Variants in RORA observed in about 807,000 individuals in gnomAD.
RORA encodes RAR related orphan receptor A.
In RORA, 7 loss-of-function variants were observed where a neutral mutation model predicts 69.5. That is an observed-to-expected ratio of 0.10 (90% confidence interval 0.06 to 0.19). RORA has a LOEUF of 0.19. Among genes scored for constraint, RORA ranks in the 10% least tolerant of loss-of-function variants. The probability of loss-of-function intolerance (pLI) is 1.00; values close to 1 mark genes in which losing one functional copy is unlikely to be tolerated. For synonymous variants in RORA, 261 were observed against 240.8 expected (o/e 1.08, Z -0.78); for missense variants, 457 against 663.0 (o/e 0.69, Z 3.41).
intron 1 of RORA, among the ~76,000 whole-genome samples, chr15:60,786,575 G>A (rs2072337093): frequency 6.6e-6 from 1 of 152,216 alleles, no homozygotes; most frequent in South Asian, 2.1e-4. Context: ...TCTGCCACCA[G>A]GGCCAGCCAG....
intron 1 of RORA, among the ~76,000 whole-genome samples, chr15:60,908,501 G>C (rs1284609341): frequency 2.6e-5 from 4 of 152,152 alleles, no homozygotes; most frequent in African/African-American, 9.7e-5. Context: ...ATGAGTACAG[G>C]GGTAGGCGGC....
chr15:60,974,808 A>C (rs12911933), intron 1 of RORA, among the ~76,000 whole-genome samples: 147,867 of 152,292 alleles, frequency 0.97, 71,946 homozygotes, highest in East Asian at 1. Context: ...GTATCAGGTA[A>C]CTTTTCCTGA....
Position 60,531,674 on chromosome 15 carries a change from G to T in RORA, c.282+92C>A. 1 of 684,336 alleles carries T rather than the reference G, an allele frequency of 1.5e-6. No individual in the cohort carries two copies. The highest frequency in any genetic ancestry group is 2.5e-6 in the Non-Finnish European group (1 of 405,880). The allele number at this position is 684,336 out of a possible 1,614,324, so 42.4% of individuals were successfully genotyped here. On this transcript the variant is annotated intron_variant, in intron 3 of 10. Transcript: ENST00000335670. The surrounding 1 kb of genome is among the most constrained non-coding windows in gnomAD (Gnocchi z 4.8). ...TTCTTATCATTCAAAATTCTAAGGAGTTGAATTTTAAGACATAAGTGGAGA... is the reference window on the plus strand; with the variant it reads ...TTCTTATCATTCAAAATTCTAAGGATTTGAATTTTAAGACATAAGTGGAGA...
chr15:60,508,061 T>G (rs1027640460), intron 5 of RORA, among the ~76,000 whole-genome samples: 8 of 152,316 alleles, frequency 5.3e-5, no homozygotes, highest in Middle Eastern at 3.4e-3. Context: ...ATTTGGCAAG[T>G]GTAAGATTTT....
intron 1 of RORA, among the ~76,000 whole-genome samples, chr15:61,166,738 C>T (rs1182585429): frequency 1.3e-5 from 2 of 152,012 alleles, no homozygotes; most frequent in Non-Finnish European, 2.9e-5. Flanking sequence ...CCTCAGGACT[C>T]CTAGCACAGT....
chr15:61,087,764 G>A (rs1487348865), intron 1 of RORA, among the ~76,000 whole-genome samples: 1 of 152,250 alleles, frequency 6.6e-6, no homozygotes, highest in Non-Finnish European at 1.5e-5. Flanking sequence ...ATGTGCAGAT[G>A]TTTGCAATAC....
intron 1 of RORA, among the ~76,000 whole-genome samples, chr15:61,150,714 G>A (rs1167031650): frequency 1.3e-5 from 2 of 152,080 alleles, no homozygotes; most frequent in African/African-American, 4.8e-5. Context: ...CTGTGGATTT[G>A]GATTAATACT....
At chr15:60,632,945 CA>C (rs2069769052) in intron 2 of RORA, among the ~76,000 whole-genome samples, 1 of 151,998 alleles carries the variant, frequency 6.6e-6, no homozygotes, top group East Asian at 1.9e-4. Context: ...TAAATTTGAT[CA>C]AAAAAGGGTG....
intron 1 of RORA, among the ~76,000 whole-genome samples, chr15:61,049,804 C>T (rs112151831): frequency 1.9e-3 from 293 of 152,154 alleles, no homozygotes; most frequent in African/African-American, 6.7e-3. Context: ...GGATTATAGG[C>T]GCACACCACC....
intron 1 of RORA, among the ~76,000 whole-genome samples, chr15:60,766,905 T>C (rs987157620): frequency 2.0e-5 from 3 of 152,118 alleles, no homozygotes; most frequent in Non-Finnish European, 4.4e-5. Context: ...CCAGCCCTGA[T>C]ACGAATCATT....
chr15:61,191,090 A>G (rs1315737522), intron 1 of RORA, among the ~76,000 whole-genome samples: 1 of 152,164 alleles, frequency 6.6e-6, no homozygotes, highest in Admixed American at 6.5e-5. Context: ...ATATAGTGGA[A>G]ACAACATAGT....
chr15:60,850,058 A>C (rs2073307431), intron 1 of RORA, among the ~76,000 whole-genome samples: 1 of 152,192 alleles, frequency 6.6e-6, no homozygotes, highest in Admixed American at 6.5e-5. Context: ...TGGTCATTTT[A>C]ACAAGCATGG....
chr15:60,737,573 G>A (rs1211524568), intron 1 of RORA, among the ~76,000 whole-genome samples: 1 of 152,202 alleles, frequency 6.6e-6, no homozygotes, highest in Non-Finnish European at 1.5e-5. Flanking sequence ...AGTCCTCCAA[G>A]TGATTCTGAT....
chr15:60,623,894 A>G (rs2140631562), intron 2 of RORA, among the ~76,000 whole-genome samples: 1 of 152,336 alleles, frequency 6.6e-6, no homozygotes, highest in Non-Finnish European at 1.5e-5. Context: ...TAAATAAGTT[A>G]TAGCTTCTCT....
At position 60,714,621 on chromosome 15, in the gene RORA, T is replaced by A. The variant is rs532694771; in HGVS notation, c.167-35935A>T. Among the ~76,000 whole-genome samples, 660 of 152,246 alleles carry A rather than the reference T, an allele frequency of 4.3e-3. 6 individuals are homozygous for A. The highest frequency in any genetic ancestry group is 0.015 in the African/African-American group (637 of 41,536). On this transcript the variant is annotated intron_variant, in intron 1 of 10. Coordinates refer to ENST00000335670, the MANE Select transcript of RORA (RefSeq NM_134261.3). The stretch of plus-strand genomic sequence containing the variant: ...CTCAGGTGATCCACCCGCCTCAGCC[T>A]CCCAAAGTGCTGGGATTACAGTTGT...
chr15:60,642,097 A>G lies in RORA; in HGVS notation c.196+36560T>C, dbSNP rs111245874. On this transcript the variant is annotated intron_variant, in intron 2 of 10. Coordinates refer to ENST00000335670, the MANE Select transcript of RORA (RefSeq NM_134261.3). ...GCTCAGGTGAGCTCGGGCTGTGTGA[A>G]TAGTATGTCCTTTAGCTCAGGGAGT... Among the ~76,000 whole-genome samples, 935 of 152,286 alleles carry G rather than the reference A, an allele frequency of 6.1e-3. 4 individuals are homozygous for G. Among genetic ancestry groups the G allele is most frequent in the African/African-American group, 0.018 (762 of 41,552 alleles).
At chr15:61,082,481 C>T (rs1014449496) in intron 1 of RORA, among the ~76,000 whole-genome samples, 1 of 152,178 alleles carries the variant, frequency 6.6e-6, no homozygotes, top group African/African-American at 2.4e-5. Flanking sequence ...AAGAGCAAAA[C>T]TCCATCTCAA....
intron 2 of RORA, among the ~76,000 whole-genome samples, chr15:60,620,344 T>C (rs1443214161): frequency 6.6e-6 from 1 of 152,236 alleles, no homozygotes; most frequent in African/African-American, 2.4e-5. Context: ...CTCTCTGTGC[T>C]TCAGTTTCCA....
intron 1 of RORA, among the ~76,000 whole-genome samples, chr15:60,999,988 T>A (rs2140379401): frequency 6.6e-6 from 1 of 152,148 alleles, no homozygotes; most frequent in South Asian, 2.1e-4. Flanking sequence ...CAGAACTACT[T>A]CAAGATTGCA....
Sources: allele counts gnomAD v4.1 joint callset (sites outside exome capture counted in the v4.1 genomes callset), GRCh38; gene constraint gnomAD v4.1.1; non-coding constraint Gnocchi (gnomAD v3.1); transcripts MANE v1.5; gene names NCBI Gene and HGNC (gene_info 2026-07-23, HGNC 2026-07-21).